WDR49: variants seen among roughly 807,000 people sequenced by gnomAD.
The protein encoded by WDR49 is cilia- and flagella-associated protein 337.
WDR49 carries 107 observed loss-of-function variants against 119.5 expected under a neutral mutation model. That is an observed-to-expected ratio of 0.90 (90% CI 0.77 to 1.05). WDR49 has a LOEUF of 1.05. WDR49 is among the 50% of genes least tolerant of loss of function. WDR49 has a pLI of 0.00. For missense variants in WDR49, 1,240 were observed against 1,220.5 expected (o/e 1.02, Z -0.24); for synonymous variants, 425 against 418.8 (o/e 1.01, Z -0.18).
At chr3:167,512,466 T>C (rs1342596895) in intron 16 of WDR49, among the ~76,000 whole-genome samples, 2 of 152,044 alleles carry the variant, frequency 1.3e-5, no homozygotes, top group African/African-American at 4.8e-5. Context: ...GTCAGGAGCC[T>C]CAAAGATTGA....
At chr3:167,614,339 T>A (rs754756742) in intron 5 of WDR49, among the ~76,000 whole-genome samples, 2 of 152,140 alleles carry the variant, frequency 1.3e-5, no homozygotes, top group Non-Finnish European at 2.9e-5. Flanking sequence ...CCTCAGGTGA[T>A]CCGCCCACCT....
chr3:167,481,449 A>G (rs1750715758), intron 18 of WDR49, among the ~76,000 whole-genome samples: 1 of 152,104 alleles, frequency 6.6e-6, no homozygotes, highest in Admixed American at 6.6e-5. Flanking sequence ...ACATAGTAGG[A>G]AACCTAGAAT....
chr3:167,632,190 C>G (rs928069394), intron 2 of WDR49, among the ~76,000 whole-genome samples: 1 of 152,012 alleles, frequency 6.6e-6, no homozygotes, highest in Non-Finnish European at 1.5e-5. Context: ...AGCAGGATCT[C>G]TATATTTTCT....
intron 11 of WDR49, among the ~76,000 whole-genome samples, chr3:167,535,767 T>C (rs1221629309): frequency 6.6e-6 from 1 of 152,118 alleles, no homozygotes; most frequent in Non-Finnish European, 1.5e-5. Context: ...GTGGAAGAGA[T>C]ATCTGCACCA....
At position 167,516,413 on chromosome 3, in the gene WDR49, T is replaced by C. The variant is rs183318851; in HGVS notation, c.2774+5902A>G. Among the ~76,000 whole-genome samples the C allele has an allele frequency of 8.3e-4, 126 of 152,210 alleles. No homozygotes were observed. In the Middle Eastern group the frequency reaches 0.014, roughly 16 times the overall value. ...TGGTTTCCAGCTTCATCCATGTCCC[T>C]ACAAAGGACATGAACGCATCATTTT... On this transcript the variant is annotated intron_variant, in intron 16 of 18. Coordinates refer to ENST00000682715, the MANE Select transcript of WDR49 (RefSeq NM_001366157.1).
At chr3:167,510,910 C>T (rs944005470) in intron 16 of WDR49, among the ~76,000 whole-genome samples, 22 of 150,004 alleles carry the variant, frequency 1.5e-4, no homozygotes, top group African/African-American at 5.4e-4. Flanking sequence ...CTCCTGTAGT[C>T]TAAATTCTTT....
chr3:167,648,270 G>T (rs531139271), intron 2 of WDR49, among the ~76,000 whole-genome samples: 1 of 152,242 alleles, frequency 6.6e-6, no homozygotes, highest in African/African-American at 2.4e-5. Context: ...TACTTGAAAG[G>T]TATTCAATTT....
At chr3:167,581,463 T>C (rs1052361937) in intron 7 of WDR49, among the ~76,000 whole-genome samples, 1 of 152,276 alleles carries the variant, frequency 6.6e-6, no homozygotes, top group South Asian at 2.1e-4. Flanking sequence ...AATTACTCAA[T>C]CCATTATCTA....
intron 3 of WDR49, among the ~76,000 whole-genome samples, chr3:167,622,201 A>G (rs1340337188): frequency 6.6e-6 from 1 of 152,076 alleles, no homozygotes; most frequent in African/African-American, 2.4e-5. Flanking sequence ...ACTATTATAT[A>G]TATGTGCAAA....
chr3:167,596,674 A>G (rs1715464621), intron 7 of WDR49, among the ~76,000 whole-genome samples: 1 of 135,230 alleles, frequency 7.4e-6, no homozygotes, highest in Non-Finnish European at 1.6e-5. Flanking sequence ...GAACAATGAG[A>G]ACACATGGAC....
At chr3:167,515,615 G>A (rs1410155205) in intron 16 of WDR49, among the ~76,000 whole-genome samples, 4 of 152,042 alleles carry the variant, frequency 2.6e-5, no homozygotes, top group African/African-American at 9.7e-5. Context: ...CCTATTCAGG[G>A]TAGTATTGGA....
At chr3:167,535,975 C>A (rs1401894629) in intron 11 of WDR49, among the ~76,000 whole-genome samples, 1 of 152,018 alleles carries the variant, frequency 6.6e-6, no homozygotes, top group Admixed American at 6.6e-5. Context: ...GTGAAATAAG[C>A]CAGGCATATA....
At chr3:167,640,529 C>A (rs567858974) in intron 2 of WDR49, among the ~76,000 whole-genome samples, 1 of 151,944 alleles carries the variant, frequency 6.6e-6, no homozygotes, top group East Asian at 1.9e-4. Flanking sequence ...AATCCTGTGG[C>A]TAAACATTTC....
chr3:167,591,516 A>G (rs1560301530), intron 7 of WDR49, among the ~76,000 whole-genome samples: 1 of 152,038 alleles, frequency 6.6e-6, no homozygotes, highest in East Asian at 1.9e-4. Flanking sequence ...GTCTCCAGCT[A>G]TTGTTGTATT....
At chr3:167,550,934 C>T (rs540871289) in intron 10 of WDR49, among the ~76,000 whole-genome samples, 1 of 151,978 alleles carries the variant, frequency 6.6e-6, no homozygotes, top group South Asian at 2.1e-4. Context: ...ATTATCTAGT[C>T]ATTTAATTTT....
intron 10 of WDR49, among the ~76,000 whole-genome samples, chr3:167,552,369 C>T (rs1712628281): frequency 6.6e-6 from 1 of 152,024 alleles, no homozygotes; most frequent in African/African-American, 2.4e-5. Flanking sequence ...AAGGCTGTGG[C>T]ATTCATCCAA....
intron 2 of WDR49, among the ~76,000 whole-genome samples, chr3:167,630,671 G>A (rs1029645484): frequency 6.6e-6 from 1 of 152,116 alleles, no homozygotes; most frequent in Non-Finnish European, 1.5e-5. Flanking sequence ...GATTCTTGCT[G>A]TTCGTGGTAG....
chr3:167,603,697 A>G lies in WDR49; in HGVS notation c.1126+604T>C, dbSNP rs1715889863. 2.0e-5 allele frequency among the ~76,000 whole-genome samples: 3 copies of G among 152,186 alleles called. No homozygotes were observed. In the South Asian group the frequency reaches 6.2e-4, roughly 32 times the overall value. ...CAAATTATCAGCTTTCAGAATGTCT[A>G]AATTTTTAATTTAAATAGTTAATGC... On this transcript the variant is annotated intron_variant, in intron 6 of 18. Transcript: ENST00000682715.
chr3:167,634,764 A>G (rs1717537266), intron 2 of WDR49, among the ~76,000 whole-genome samples: 1 of 151,876 alleles, frequency 6.6e-6, no homozygotes, highest in Non-Finnish European at 1.5e-5. Context: ...GTGTGCCAAC[A>G]TACTTTTACA....
Sources: gnomAD v4.1 joint callset for allele counts (sites outside exome capture counted in the v4.1 genomes callset) on GRCh38, gnomAD v4.1.1 for gene constraint, MANE v1.5 for transcripts, NCBI Gene and HGNC (gene_info 2026-07-23, HGNC 2026-07-21) for gene names.